The following CNTN5 variants were observed in gnomAD, a reference collection of about 807,000 sequenced individuals.
CNTN5 encodes the protein contactin-5.
Under a neutral mutation model 129.1 loss-of-function variants are expected in CNTN5, and 77 were observed. That is an observed-to-expected ratio of 0.60 (90% confidence interval 0.50 to 0.72). CNTN5 has a LOEUF of 0.72. CNTN5 is among the 30% of genes least tolerant of loss of function. The probability of loss-of-function intolerance (pLI) is 0.00; values close to 1 mark genes in which losing one functional copy is unlikely to be tolerated. For synonymous variants in CNTN5, 509 were observed against 465.6 expected, an observed-to-expected ratio of 1.09 and a Z score of -1.20; for missense variants, 1,478 against 1,328.8, an observed-to-expected ratio of 1.11 and a Z score of -1.75.
chr11:99,139,599 C>T (rs1234989247), intron 1 of CNTN5, among the ~76,000 whole-genome samples: 2 of 152,044 alleles, frequency 1.3e-5, no homozygotes, highest in African/African-American at 4.8e-5. Flanking sequence ...TTTGAGACTT[C>T]TCCAATTATA....
chr11:99,324,198 A>G (rs1195385729), intron 1 of CNTN5, among the ~76,000 whole-genome samples: 1 of 152,166 alleles, frequency 6.6e-6, no homozygotes, highest in Non-Finnish European at 1.5e-5. Context: ...AAGCAACTGA[A>G]ATACTTTTTA....
At chr11:99,163,570 T>C (rs1020909975) in intron 1 of CNTN5, among the ~76,000 whole-genome samples, 2 of 152,200 alleles carry the variant, frequency 1.3e-5, no homozygotes, top group Non-Finnish European at 2.9e-5. Flanking sequence ...TGTCATACTT[T>C]GTTTATATAT....
At position 99,510,399 on chromosome 11, in the gene CNTN5, C is replaced by T. The variant is rs571614063; in HGVS notation, c.-70-45746C>T. 5.5e-4 allele frequency among the ~76,000 whole-genome samples: 84 copies of T among 152,268 alleles called. 1 individual carries two copies. Among genetic ancestry groups the T allele is most frequent in the Non-Finnish European group, 2.6e-4 (18 of 68,012 alleles). Reference sequence around the variant, plus strand: ...TAGAAACTATCAAAGTGAAACTGCACGCATCTTTTGACCTAGAAATCTGAC... The same window carrying T: ...TAGAAACTATCAAAGTGAAACTGCATGCATCTTTTGACCTAGAAATCTGAC... On this transcript the variant is annotated intron_variant, in intron 2 of 24. Coordinates refer to ENST00000524871, the MANE Select transcript of CNTN5 (RefSeq NM_014361.4).
intron 6 of CNTN5, among the ~76,000 whole-genome samples, chr11:99,897,994 A>G (rs1425392338): frequency 6.6e-6 from 1 of 152,206 alleles, no homozygotes; most frequent in Non-Finnish European, 1.5e-5. Context: ...GTTGAACAAC[A>G]GCATCAAGTC....
intron 2 of CNTN5, among the ~76,000 whole-genome samples, chr11:99,337,169 G>C (rs1377193527): frequency 6.6e-6 from 1 of 152,118 alleles, no homozygotes; most frequent in Admixed American, 6.6e-5. Context: ...CATAATCTTA[G>C]AAGAGACTTT....
intron 3 of CNTN5, among the ~76,000 whole-genome samples, chr11:99,796,646 G>C (rs1286952780): frequency 6.6e-6 from 1 of 151,486 alleles, no homozygotes; most frequent in Non-Finnish European, 1.5e-5. Flanking sequence ...AGCAGACAGG[G>C]GGCTGCTCTG....
In CNTN5 at chr11:99,884,505, T is replaced by C. The variant is rs368613854; in HGVS notation, c.578-31549T>C. ...TTGTTGAAGCAGAAGAGAACGGAAA[T>C]AATAGTGAAAGAACAAATATTTAAA... On this transcript the variant is annotated intron_variant, in intron 6 of 24. Transcript: ENST00000524871. Among the ~76,000 whole-genome samples the C allele has an allele frequency of 8.5e-5, 13 of 152,158 alleles. No individual in the cohort carries two copies. The South Asian group carries it at 2.5e-3, about 29-fold the overall frequency.
intron 3 of CNTN5, among the ~76,000 whole-genome samples, chr11:99,671,902 ACACT>A (rs1337286420): frequency 6.6e-6 from 1 of 152,130 alleles, no homozygotes; most frequent in Non-Finnish European, 1.5e-5. Flanking sequence ...AATAATTCAC[ACACT>A]CACATAAACA....
chr11:99,317,761 C>T (rs933207492), intron 1 of CNTN5, among the ~76,000 whole-genome samples: 3 of 151,844 alleles, frequency 2.0e-5, no homozygotes, highest in African/African-American at 7.3e-5. Context: ...TTTAGCAAAA[C>T]ATAATAAATT....
At chr11:99,271,870 T>A (rs1473175604) in intron 1 of CNTN5, among the ~76,000 whole-genome samples, 1 of 151,846 alleles carries the variant, frequency 6.6e-6, no homozygotes, top group Non-Finnish European at 1.5e-5. Flanking sequence ...GAAGCCTCAA[T>A]GTGTTTTACG....
chr11:99,051,434 A>T (rs774671138), intron 1 of CNTN5, among the ~76,000 whole-genome samples: 85 of 151,876 alleles, frequency 5.6e-4, no homozygotes, highest in Non-Finnish European at 1.1e-3. Flanking sequence ...TACAGCATTT[A>T]TTTGGGATAC....
At chr11:99,484,980 T>G (rs538076341) in intron 2 of CNTN5, among the ~76,000 whole-genome samples, 2 of 152,064 alleles carry the variant, frequency 1.3e-5, no homozygotes, top group Admixed American at 1.3e-4. Flanking sequence ...TACAGCTAGA[T>G]AGGAGGAATA....
chr11:99,286,823 C>T (rs924687297), intron 1 of CNTN5, among the ~76,000 whole-genome samples: 7 of 152,108 alleles, frequency 4.6e-5, no homozygotes, highest in Non-Finnish European at 1.0e-4. Context: ...AAGGTTTAAA[C>T]TAAATTCTCT....
intron 6 of CNTN5, among the ~76,000 whole-genome samples, chr11:99,879,390 T>C (rs1591356061): frequency 6.6e-6 from 1 of 152,242 alleles, no homozygotes; most frequent in South Asian, 2.1e-4. Flanking sequence ...AATTTTTTCT[T>C]AGTTACTGAT....
chr11:100,160,837 G>T (rs17094443), intron 13 of CNTN5, among the ~76,000 whole-genome samples: 5,258 of 151,884 alleles, frequency 0.035, 303 homozygotes, highest in African/African-American at 0.12. Context: ...TATCTGCAGT[G>T]CCACTAACGA....
In CNTN5 at chr11:100,350,180, C is replaced by A. The variant is rs11223732; in HGVS notation, c.3031-522C>A. On this transcript the variant is annotated intron_variant, in intron 23 of 24. Transcript: ENST00000524871. Reference sequence around the variant, plus strand: ...AAGGATTTATTATTGGTATGTTTAACAAATTTTGTTTACTCCTTTCAAACT... The same window carrying A: ...AAGGATTTATTATTGGTATGTTTAAAAAATTTTGTTTACTCCTTTCAAACT... Among the ~76,000 whole-genome samples, 3,123 of 151,866 alleles carry A rather than the reference C, an allele frequency of 0.021. 173 individuals are homozygous for A. In the East Asian group the frequency reaches 0.23, roughly 11 times the overall value.
chr11:99,677,491 A>G (rs975315806), intron 3 of CNTN5, among the ~76,000 whole-genome samples: 8 of 152,138 alleles, frequency 5.3e-5, no homozygotes, highest in African/African-American at 1.7e-4. Flanking sequence ...TAGTTAATAC[A>G]TGACCTTGAT....
At chr11:99,822,609 A>G (rs1432187966) in intron 4 of CNTN5, among the ~76,000 whole-genome samples, 1 of 152,192 alleles carries the variant, frequency 6.6e-6, no homozygotes, top group Non-Finnish European at 1.5e-5. Flanking sequence ...ACCACTGCGG[A>G]CAAAGGGAGA....
intron 3 of CNTN5, among the ~76,000 whole-genome samples, chr11:99,577,855 T>A (rs1591305293): frequency 6.6e-6 from 1 of 151,250 alleles, no homozygotes; most frequent in Non-Finnish European, 1.5e-5. Context: ...TACTTTAAGT[T>A]TTAGGGTACA....
Sources: gnomAD v4.1 joint callset for allele counts (sites outside exome capture counted in the v4.1 genomes callset) on GRCh38, gnomAD v4.1.1 for gene constraint, MANE v1.5 for transcripts, NCBI Gene and HGNC (gene_info 2026-07-23, HGNC 2026-07-21) for gene names.